CEMIP2: variants seen among roughly 807,000 people sequenced by gnomAD.
The protein encoded by CEMIP2 is cell migration inducing hyaluronidase 2.
CEMIP2 carries 79 observed loss-of-function variants against 146.9 expected under a neutral mutation model. The ratio of observed to expected loss-of-function variants is 0.54; its 90% CI spans 0.45 to 0.65. The LOEUF is 0.65. CEMIP2 is among the 30% of genes least tolerant of loss of function. The pLI, the probability that CEMIP2 is intolerant of heterozygous loss-of-function variation, is 0.00. For missense variants in CEMIP2, 1,596 were observed against 1,696.2 expected (o/e 0.94, Z 1.04); for synonymous variants, 601 against 606.3 (o/e 0.99, Z 0.13).
rs370540531 is a variant in CEMIP2 at position 71,694,534 on chromosome 9, T to A, written c.3671A>T (p.Gln1224Leu). The A allele has an allele frequency of 6.2e-7, 1 of 1,613,858 alleles. No individual in the cohort carries two copies. Among genetic ancestry groups the A allele is most frequent in the African/African-American group, 1.3e-5 (1 of 74,994 alleles). Residue 1224 changes from glutamine (Q) to leucine (L), a missense_variant, in exon 21 of 24, where the codon CAG (glutamine) becomes CTG (leucine). Coordinates refer to ENST00000377044, the MANE Select transcript of CEMIP2 (RefSeq NM_013390.3). Reference sequence around the variant, plus strand: ...AGAAATAACAGACGGGTCTCCACGCTGGGTTTCTGCTTTATCAGGTGACTG... The same window carrying A: ...AGAAATAACAGACGGGTCTCCACGCAGGGTTTCTGCTTTATCAGGTGACTG... ...QFQSPDKAET[Q>L]RGDPSVISVN... is the part of the protein sequence containing the mutation.
intron 12 of CEMIP2, among the ~76,000 whole-genome samples, chr9:71,718,915 A>G (rs1438389829): frequency 1.3e-5 from 2 of 152,136 alleles, no homozygotes; most frequent in Admixed American, 6.5e-5. Flanking sequence ...TAAATACTGA[A>G]CTTCACCTTT....
intron 22 of CEMIP2, chr9:71,686,614 G>A (rs1244231034): frequency 6.6e-6 from 1 of 152,122 alleles, no homozygotes; most frequent in Non-Finnish European, 1.5e-5. Context: ...CCTAGTGGAT[G>A]GTCTGGGGCA....
At chr9:71,697,777 C>A in intron 20 of CEMIP2, 1 of 540,092 alleles carries the variant, frequency 1.9e-6, no homozygotes, top group South Asian at 2.6e-5. Flanking sequence ...GGTAAACTGA[C>A]GTATCACAGG....
intron 1 of CEMIP2, among the ~76,000 whole-genome samples, chr9:71,757,720 G>T (rs1824506523): frequency 6.6e-6 from 1 of 152,220 alleles, no homozygotes; most frequent in Non-Finnish European, 1.5e-5. Context: ...AACCATCAGG[G>T]ATCACCATTT....
intron 16 of CEMIP2, among the ~76,000 whole-genome samples, chr9:71,711,101 T>C (rs984485550): frequency 6.6e-6 from 1 of 152,176 alleles, no homozygotes; most frequent in South Asian, 2.1e-4. Context: ...GGCAAGATGA[T>C]GAAAGCCTGG....
intron 10 of CEMIP2, among the ~76,000 whole-genome samples, chr9:71,729,159 A>G (rs1480712878): frequency 1.3e-5 from 2 of 151,918 alleles, no homozygotes; most frequent in Admixed American, 1.3e-4. Flanking sequence ...TTTTATCAAC[A>G]CCCTGAAATT....
chr9:71,690,828 T>A (rs758372647), intron 21 of CEMIP2, among the ~76,000 whole-genome samples: 2 of 152,202 alleles, frequency 1.3e-5, no homozygotes, highest in Non-Finnish European at 2.9e-5. Context: ...ATTTCACAAC[T>A]ATTGTGAGCT....
chr9:71,743,258 G>C (rs1342735406), intron 4 of CEMIP2, among the ~76,000 whole-genome samples: 1 of 152,182 alleles, frequency 6.6e-6, no homozygotes, highest in African/African-American at 2.4e-5. Flanking sequence ...CCTTCGGTGG[G>C]GAAGAGAGTG....
At chr9:71,758,241 T>C (rs139453225) in intron 1 of CEMIP2, among the ~76,000 whole-genome samples, 1 of 152,318 alleles carries the variant, frequency 6.6e-6, no homozygotes, top group African/African-American at 2.4e-5. Flanking sequence ...TAGCATACTC[T>C]CAAAGAATTG....
chr9:71,733,211 CTTATT>C (rs1412397532), intron 6 of CEMIP2, among the ~76,000 whole-genome samples: 1 of 152,130 alleles, frequency 6.6e-6, no homozygotes, highest in East Asian at 1.9e-4. Context: ...TTTCTCATTT[CTTATT>C]TTATGTTATT....
intron 17 of CEMIP2, 138 bp downstream of exon 17, chr9:71,709,121 A>C (rs1041604830): frequency 6.3e-6 from 5 of 788,664 alleles, no homozygotes; most frequent in African/African-American, 1.7e-5. Context: ...AAAGAAAAGA[A>C]AGGACAGGAC....
At chr9:71,758,670 G>A (rs766043864) in intron 1 of CEMIP2, among the ~76,000 whole-genome samples, 7 of 152,112 alleles carry the variant, frequency 4.6e-5, no homozygotes, top group Admixed American at 6.6e-5. Flanking sequence ...TCCTAGAACC[G>A]GACAAGAGAA....
intron 22 of CEMIP2, among the ~76,000 whole-genome samples, chr9:71,688,829 C>T (rs908731968): frequency 3.3e-5 from 5 of 152,180 alleles, no homozygotes; most frequent in Admixed American, 3.3e-4. Flanking sequence ...CAACCCTATA[C>T]ACATAGACAC....
intron 7 of CEMIP2, 57 bp downstream of exon 7, chr9:71,732,294 T>C: frequency 6.7e-7 from 1 of 1,494,982 alleles, no homozygotes; most frequent in South Asian, 1.4e-5. Flanking sequence ...GACAGTTTCT[T>C]CAAACATATA....
Position 71,704,797 on chromosome 9 carries a change from C to T in CEMIP2, c.2992G>A (p.Val998Ile), listed in dbSNP as rs1160846527. 3.1e-6 allele frequency: 5 copies of T among 1,612,704 alleles called. No individual in the cohort carries two copies. Among genetic ancestry groups the T allele is most frequent in the African/African-American group, 1.3e-5 (1 of 74,858 alleles). ...AGATTCTGAGTGCTCCATGTCTGTA[C>T]ATAGACCTTGAAAAAATAATCAAGA... ...ICSGTYAQVY[V>I]QTWSTQNLSM... The change falls in exon 18 of 24, where the codon GTA becomes ATA. Residue 998 changes from valine (V) to isoleucine (I), a missense_variant. Transcript: ENST00000377044.
chr9:71,754,501 G>A (rs992667063), intron 1 of CEMIP2, among the ~76,000 whole-genome samples: 5 of 152,130 alleles, frequency 3.3e-5, no homozygotes, highest in South Asian at 2.1e-4. Context: ...TTAAATGGTC[G>A]TATTTCTAGT....
At chr9:71,714,188 A>T (rs1248835393) in intron 15 of CEMIP2, among the ~76,000 whole-genome samples, 1 of 152,220 alleles carries the variant, frequency 6.6e-6, no homozygotes, top group Non-Finnish European at 1.5e-5. Context: ...TGATTCTTAA[A>T]GAATTATGAC....
At chr9:71,692,943 C>A (rs1385667011) in intron 21 of CEMIP2, among the ~76,000 whole-genome samples, 2 of 146,874 alleles carry the variant, frequency 1.4e-5, no homozygotes, top group African/African-American at 5.0e-5. Context: ...ACAACAAAAA[C>A]CAAGAGTCTT....
chr9:71,727,689 T>G (rs534880101), intron 10 of CEMIP2, among the ~76,000 whole-genome samples: 137 of 152,358 alleles, frequency 9.0e-4, no homozygotes, highest in African/African-American at 3.0e-3. Context: ...TATGAATATT[T>G]AGGTATCACT....
Sources: gnomAD v4.1 joint callset for allele counts (sites outside exome capture counted in the v4.1 genomes callset) on GRCh38, gnomAD v4.1.1 for gene constraint, MANE v1.5 for transcripts, NCBI Gene and HGNC (gene_info 2026-07-23, HGNC 2026-07-21) for gene names.